The following KNDC1 variants were observed in gnomAD, a reference collection of about 807,000 sequenced individuals.
The protein encoded by KNDC1 is kinase non-catalytic C-lobe domain containing 1, also known as kinase non-catalytic C-lobe domain-containing protein 1.
A neutral mutation model predicts 172.8 loss-of-function variants in KNDC1; 106 were observed. That is an observed-to-expected ratio of 0.61 (90% CI 0.52 to 0.72). The LOEUF is 0.72. KNDC1 is among the 30% of genes least tolerant of loss of function. The pLI is 0.00. For synonymous variants in KNDC1, 1,083 were observed against 1,062.2 expected (o/e 1.02, Z -0.38); for missense variants, 2,325 against 2,394.5 (o/e 0.97, Z 0.61).
At chr10:133,195,125 G>A (rs1854151969) in intron 9 of KNDC1, among the ~76,000 whole-genome samples, 1 of 152,232 alleles carries the variant, frequency 6.6e-6, no homozygotes, top group African/African-American at 2.4e-5. Flanking sequence ...GAATTGACTG[G>A]CTCTGTGGAA....
chr10:133,214,340 C>T (rs555193815), intron 26 of KNDC1, among the ~76,000 whole-genome samples: 6 of 152,254 alleles, frequency 3.9e-5, no homozygotes, highest in Admixed American at 1.3e-4. Context: ...CAGCTCTCCC[C>T]CAGCACTGCC....
Position 133,212,759 on chromosome 10 carries a change from C to T in KNDC1, c.4280C>T (p.Pro1427Leu), listed in dbSNP as rs755414635. The change falls in exon 24 of 30, where the codon CCG becomes CTG. Residue 1427 changes from proline (P) to leucine (L), a missense_variant. Transcript: ENST00000304613. ...CCCCGAGGCAACGGGCTGGTGCTGC[C>T]GCCACACAAGGAGCGCCCCTACACC... ...RLPRGNGLVL[P>L]PHKERPYTIA... is the part of the protein sequence containing the mutation. 3.7e-6 allele frequency: 6 copies of T among 1,613,750 alleles called. No individual in the cohort carries two copies. Among genetic ancestry groups the T allele is most frequent in the East Asian group, 2.2e-5 (1 of 44,884 alleles).
chr10:133,202,923 C>T (rs1039516302), intron 17 of KNDC1, among the ~76,000 whole-genome samples: 5 of 152,184 alleles, frequency 3.3e-5, no homozygotes, highest in African/African-American at 1.2e-4. Flanking sequence ...AAAGGGCGGC[C>T]GGCACAGCAA....
At chr10:133,178,183 A>C (rs1468475867) in intron 3 of KNDC1, among the ~76,000 whole-genome samples, 1 of 148,850 alleles carries the variant, frequency 6.7e-6, no homozygotes, top group Non-Finnish European at 1.5e-5. Context: ...TGTAGCATGC[A>C]TGTGTGTGCA....
At position 133,201,783 on chromosome 10, in the gene KNDC1, C is replaced by A; in HGVS notation, c.3272C>A (p.Pro1091His). Residue 1091 changes from proline to histidine, a missense_variant, in exon 17 of 30, where the codon CCC becomes CAC. Transcript: ENST00000304613. ...CCAGCCGGATTCCAGAGCTGCAGCC[C>A]CGGCTGGTGCAGCGCCTTCTACGAG... is the stretch of plus-strand genomic sequence containing the variant. ...PGPAGFQSCS[P>H]GWCSAFYEAD... The A allele has an allele frequency of 6.5e-7, 1 of 1,544,350 alleles. No individual in the cohort carries two copies. Among genetic ancestry groups the A allele is most frequent in the South Asian group, 1.2e-5 (1 of 80,408 alleles).
intron 3 of KNDC1, chr10:133,179,222 G>A (rs924827501): frequency 8.3e-6 from 1 of 121,112 alleles, no homozygotes; most frequent in Non-Finnish European, 1.9e-5. Context: ...CCCTTCTATG[G>A]GGTTCCTGCC....
chr10:133,200,087 G>T (rs1442356602), intron 15 of KNDC1, among the ~76,000 whole-genome samples: 1 of 152,124 alleles, frequency 6.6e-6, no homozygotes, highest in Non-Finnish European at 1.5e-5. Context: ...TCCTCCGCGT[G>T]CGTGTGGAGT....
chr10:133,216,774 G>T (rs1255909487), intron 26 of KNDC1, among the ~76,000 whole-genome samples: 1 of 152,238 alleles, frequency 6.6e-6, no homozygotes, highest in Non-Finnish European at 1.5e-5. Context: ...AGAGGTGGAG[G>T]CACCTAAATG....
Position 133,211,433 on chromosome 10 carries a change from A to AC in KNDC1, c.3924dup (p.Thr1309HisfsTer94). 1 of 1,606,048 alleles carries AC rather than the reference A, an allele frequency of 6.2e-7. No individual in the cohort carries two copies. Among genetic ancestry groups the AC allele is most frequent in the Non-Finnish European group, 8.5e-7 (1 of 1,177,030 alleles). On this transcript the variant is annotated frameshift_variant, in exon 22 of 30. Transcript: ENST00000304613. LOFTEE classifies it high-confidence loss of function. ...CCCTGCGTCTCCAGGGCCCACCAGG[A>AC]CCCCACCTCGACCTTCACCAAGATC...
chr10:133,208,981 G>A (rs1845287182), intron 20 of KNDC1, among the ~76,000 whole-genome samples: 1 of 152,220 alleles, frequency 6.6e-6, no homozygotes, highest in Admixed American at 6.5e-5. Flanking sequence ...TGTGACATGT[G>A]TGCACGTGTG....
chr10:133,214,609 T>C (rs1161298586), intron 26 of KNDC1, among the ~76,000 whole-genome samples: 3 of 152,214 alleles, frequency 2.0e-5, no homozygotes, highest in Non-Finnish European at 4.4e-5. Context: ...TGCCTGAGCC[T>C]GGCCCCTGGG....
intron 25 of KNDC1, 29 bp from the exon 26 acceptor site, chr10:133,213,943 G>A (rs1368244590): frequency 6.2e-7 from 1 of 1,613,776 alleles, no homozygotes; most frequent in East Asian, 2.2e-5. Flanking sequence ...CAAGTCCTGG[G>A]GGTGACAGGG....
At chr10:133,202,264 A>G in intron 17 of KNDC1, 1 of 560,038 alleles carries the variant, frequency 1.8e-6, no homozygotes, top group South Asian at 1.5e-5. Context: ...GCCCTTGGGC[A>G]GCCTCGCTCT....
chr10:133,207,359 G>A lies in KNDC1; in HGVS notation c.3794+8G>A. On this transcript the variant is annotated splice_region_variant and intron_variant, in intron 20 of 29. Coordinates refer to ENST00000304613, the MANE Select transcript of KNDC1 (RefSeq NM_152643.8). ...GGCCTACCTGTACTCCAGGTGCGTT[G>A]GGAGAAAAGCTCACCCGGAAAAGGA... 6.2e-7 allele frequency: 1 copy of A among 1,611,094 alleles called. No homozygotes were observed. Among genetic ancestry groups the A allele is most frequent in the Non-Finnish European group, 8.5e-7 (1 of 1,178,788 alleles).
At chr10:133,210,817 G>A (rs1037796721) in intron 21 of KNDC1, 93 bp downstream of exon 21, 2 of 1,075,310 alleles carry the variant, frequency 1.9e-6, no homozygotes, top group African/African-American at 3.1e-5. Context: ...GAAGAACGAG[G>A]TGGTCCCTGG....
chr10:133,189,007 G>A (rs917432869), intron 7 of KNDC1, among the ~76,000 whole-genome samples: 14 of 152,028 alleles, frequency 9.2e-5, no homozygotes, highest in South Asian at 2.1e-4. Flanking sequence ...CATGGCCCTC[G>A]CCCACACATT....
At chr10:133,179,697 G>A (rs770985927) in intron 3 of KNDC1, among the ~76,000 whole-genome samples, 8 of 152,320 alleles carry the variant, frequency 5.3e-5, no homozygotes, top group East Asian at 1.9e-4. Flanking sequence ...GTCCCCACTC[G>A]AGGCGAGAGC....
rs754784016 is a variant in KNDC1, at chr10:133,186,317, G to A, written c.969G>A (p.Pro323=). The stretch of plus-strand genomic sequence containing the variant: ...GCCCCGAGGCCACCCTCTGCCTGCC[G>A]CTGACCCGCGGGAAAAGCCAGCTGC... ...SDSPEATLCL[P]LTRGKSQLPI... The change falls in exon 6 of 30, where the codon CCG becomes CCA. Residue 323 remains proline (P), a synonymous_variant. Coordinates refer to ENST00000304613, the MANE Select transcript of KNDC1 (RefSeq NM_152643.8). 23 of 1,612,258 alleles carry A rather than the reference G, an allele frequency of 1.4e-5. No homozygotes were observed. In the East Asian group the frequency reaches 2.0e-4, roughly 14 times the overall value.
At position 133,201,659 on chromosome 10, in the gene KNDC1, G is replaced by A. The variant is rs201515644; in HGVS notation, c.3148G>A (p.Ala1050Thr). ...VKAERAQQPE[A>T]GEDRRPAGGA... ...AGCCGAGAGAGCGCAGCAGCCTGAG[G>A]CTGGCGAGGACAGACGGCCAGCTGG... The change falls in exon 17 of 30, where the codon GCT (alanine) becomes ACT (threonine). Residue 1050 changes from alanine to threonine, a missense_variant. By Grantham distance (58) the Ala-to-Thr change is moderately conservative (BLOSUM62 0). Transcript: ENST00000304613. 1.9e-6 allele frequency: 3 copies of A among 1,612,956 alleles called. No homozygotes were observed. Among genetic ancestry groups the A allele is most frequent in the Non-Finnish European group, 1.7e-6 (2 of 1,179,966 alleles).
Sources: gnomAD v4.1 joint callset for allele counts (sites outside exome capture counted in the v4.1 genomes callset) on GRCh38, gnomAD v4.1.1 for gene constraint, MANE v1.5 for transcripts, NCBI Gene and HGNC (gene_info 2026-07-23, HGNC 2026-07-21) for gene names.